The following TIMM17A variants were observed in gnomAD, a reference collection of about 807,000 sequenced individuals.
TIMM17A encodes the protein translocase of inner mitochondrial membrane 17A.
In TIMM17A, 15 loss-of-function variants were observed where a neutral mutation model predicts 26.5. The observed-to-expected ratio is 0.57, with a 90% CI of 0.38 to 0.87. The LOEUF (loss-of-function observed/expected upper bound fraction) is 0.87. TIMM17A is among the 40% of genes least tolerant of loss of function. The probability of loss-of-function intolerance (pLI) is 0.00; values close to 1 mark genes in which losing one functional copy is unlikely to be tolerated. For synonymous variants in TIMM17A, 80 were observed against 70.8 expected, an observed-to-expected ratio of 1.13 and a Z score of -0.66; for missense variants, 201 against 210.0, an observed-to-expected ratio of 0.96 and a Z score of 0.27.
At chr1:201,965,063 T>A (rs1682605173) in intron 4 of TIMM17A, among the ~76,000 whole-genome samples, 3 of 152,086 alleles carry the variant, frequency 2.0e-5, no homozygotes, top group African/African-American at 7.2e-5. Flanking sequence ...GCAATTCTCC[T>A]GCCTCAGCCT....
At position 201,969,653 on chromosome 1, in the gene TIMM17A, A is replaced by G; in HGVS notation, c.*99A>G. On this transcript the variant is annotated 3_prime_UTR_variant, in exon 6 of 6. Transcript: ENST00000367287. ...CTGTTTTTAAAACCATAGGTGGGACAGCTATGGCCAATAGGCTATAAAGAG... is the reference window on the plus strand; with the variant it reads ...CTGTTTTTAAAACCATAGGTGGGACGGCTATGGCCAATAGGCTATAAAGAG... 9.0e-6 allele frequency: 9 copies of G among 994,756 alleles called. No individual in the cohort carries two copies. The South Asian group carries it at 1.2e-4, about 14-fold the overall frequency. 61.6% of individuals were successfully genotyped at this position (994,756 alleles called of 1,614,324 possible). A position where few individuals can be genotyped will look rare whatever the true frequency, so the allele number is the denominator to read the frequency against.
chr1:201,960,006 A>G (rs1682494680), intron 3 of TIMM17A, among the ~76,000 whole-genome samples: 1 of 151,822 alleles, frequency 6.6e-6, no homozygotes, highest in African/African-American at 2.4e-5. Flanking sequence ...CTCAAAATAA[A>G]TAAATAAATA....
At chr1:201,964,916 G>A (rs1429760803) in intron 4 of TIMM17A, among the ~76,000 whole-genome samples, 1 of 150,840 alleles carries the variant, frequency 6.6e-6, no homozygotes, top group Non-Finnish European at 1.5e-5. Flanking sequence ...CCAAAGTGTT[G>A]GGATTACGGG....
intron 4 of TIMM17A, 43 bp from the exon 5 acceptor site, chr1:201,965,390 A>G (rs199723605): frequency 7.3e-7 from 1 of 1,364,698 alleles, no homozygotes; most frequent in African/African-American, 1.4e-5. Flanking sequence ...ACAGTAAACT[A>G]GATTTCTGTA....
intron 5 of TIMM17A, among the ~76,000 whole-genome samples, chr1:201,966,991 T>TTTTTTGTGTGTGTG (rs572223784): frequency 7.5e-6 from 1 of 133,100 alleles, no homozygotes; most frequent in South Asian, 2.4e-4. Context: ...ATTATATATG[T>TTTTTTGTGTGTGTG]TGTGTGTGTG....
intron 4 of TIMM17A, among the ~76,000 whole-genome samples, chr1:201,965,185 C>T (rs1682607185): frequency 6.6e-6 from 1 of 152,030 alleles, no homozygotes; most frequent in Non-Finnish European, 1.5e-5. Context: ...CTCCTGACCT[C>T]ATGATCTGCC....
At chr1:201,966,767 G>A (rs1340306218) in intron 5 of TIMM17A, among the ~76,000 whole-genome samples, 1 of 150,342 alleles carries the variant, frequency 6.7e-6, no homozygotes, top group Admixed American at 6.7e-5. Context: ...ACTTGAACCT[G>A]GGAGGCAGAG....
Position 201,966,962 on chromosome 1 carries a change from T to C in TIMM17A, c.430+1419T>C, listed in dbSNP as rs564006847. 3.1e-4 allele frequency among the ~76,000 whole-genome samples: 44 copies of C among 142,298 alleles called. 1 individual carries two copies. In the South Asian group the frequency reaches 8.5e-3, roughly 27 times the overall value. The allele number at this position is 142,298 out of a possible 152,430, so 93.4% of individuals were successfully genotyped here. Reference sequence around the variant, plus strand: ...TATATGTTATGTATTATATATGTTATATATTATATATGTTGTATATTATAT... The same window carrying C: ...TATATGTTATGTATTATATATGTTACATATTATATATGTTGTATATTATAT... On this transcript the variant is annotated intron_variant, in intron 5 of 5. Transcript: ENST00000367287.
chr1:201,966,991 T>TTTTGTGTGTG (rs572223784), intron 5 of TIMM17A, among the ~76,000 whole-genome samples: 13 of 133,098 alleles, frequency 9.8e-5, no homozygotes, highest in Admixed American at 4.0e-4. Flanking sequence ...ATTATATATG[T>TTTTGTGTGTG]TGTGTGTGTG....
At chr1:201,957,409 A>G in intron 2 of TIMM17A, 29 bp downstream of exon 2, 1 of 1,597,534 alleles carries the variant, frequency 6.3e-7, no homozygotes, top group Non-Finnish European at 8.6e-7. Flanking sequence ...TTATTTTATC[A>G]TCACTTGCAA....
intron 1 of TIMM17A, 29 bp downstream of exon 1, chr1:201,955,581 T>G: frequency 6.2e-7 from 1 of 1,614,232 alleles, no homozygotes; most frequent in South Asian, 1.1e-5. Context: ...TTTGCATTTC[T>G]CTTGCCCCCC....
At position 201,955,552 on chromosome 1, in the gene TIMM17A, G is replaced by A. The variant is rs1400749937; in HGVS notation, c.26G>A (p.Cys9Tyr). Residue 9 changes from cysteine to tyrosine, a missense_variant and splice_region_variant, in exon 1 of 6, where the codon TGC becomes TAC. Coordinates refer to ENST00000367287, the MANE Select transcript of TIMM17A (RefSeq NM_006335.3). ...ATGGAGGAGTACGCGCGAGAGCCTTGGTGAGCTTCACCGCTGTCTTTGCAT... is the reference window on the plus strand; with the variant it reads ...ATGGAGGAGTACGCGCGAGAGCCTTAGTGAGCTTCACCGCTGTCTTTGCAT... MEEYAREP[C>Y]PWRIVDDCGG... 1 of 1,614,258 alleles carries A rather than the reference G, an allele frequency of 6.2e-7. No homozygotes were observed. Among genetic ancestry groups the A allele is most frequent in the South Asian group, 1.1e-5 (1 of 91,092 alleles).
At chr1:201,961,903 G>C (rs1233020303) in intron 3 of TIMM17A, among the ~76,000 whole-genome samples, 1 of 151,660 alleles carries the variant, frequency 6.6e-6, no homozygotes, top group Non-Finnish European at 1.5e-5. Flanking sequence ...AGTATACTCT[G>C]ACACTCCATG....
intron 4 of TIMM17A, among the ~76,000 whole-genome samples, chr1:201,964,190 A>G (rs781058882): frequency 6.4e-4 from 97 of 152,326 alleles, no homozygotes; most frequent in South Asian, 2.1e-3. Flanking sequence ...TATTTGGAAT[A>G]TTTGAGAATG....
At chr1:201,962,792 T>G (rs1277741389) in intron 3 of TIMM17A, 3 of 152,238 alleles carry the variant, frequency 2.0e-5, no homozygotes, top group Admixed American at 1.3e-4. Context: ...TATCATTCAT[T>G]TGCCCCTTCA....
intron 5 of TIMM17A, among the ~76,000 whole-genome samples, chr1:201,968,094 G>A (rs1212746546): frequency 1.3e-5 from 2 of 152,192 alleles, no homozygotes; most frequent in East Asian, 1.9e-4. Context: ...CCTCCGGGGT[G>A]CAAGCGATTC....
chr1:201,969,337 G>A, intron 5 of TIMM17A, 132 bp from the exon 6 acceptor site: 1 of 701,164 alleles, frequency 1.4e-6, no homozygotes, highest in Non-Finnish European at 2.4e-6. Flanking sequence ...GATCTATAAA[G>A]AAATTTAGGG....
At position 201,970,183 on chromosome 1, in the gene TIMM17A, T is replaced by C. The variant is rs1682709006; in HGVS notation, c.*629T>C. ...GATATTGGATACAAAACTCTCTTCC[T>C]TTAGGGCTACTGAGTCTTGATTCCT... On this transcript the variant is annotated 3_prime_UTR_variant, in exon 6 of 6. Coordinates refer to ENST00000367287, the MANE Select transcript of TIMM17A (RefSeq NM_006335.3). The C allele has an allele frequency of 6.6e-6, 1 of 152,238 alleles. No homozygotes were observed. Among genetic ancestry groups the C allele is most frequent in the South Asian group, 2.1e-4 (1 of 4,828 alleles). The allele number at this position is 152,238 out of a possible 1,614,324, so 9.4% of individuals were successfully genotyped here.
intron 5 of TIMM17A, among the ~76,000 whole-genome samples, chr1:201,966,489 TA>T (rs1180864018): frequency 6.9e-6 from 1 of 144,878 alleles, no homozygotes; most frequent in Non-Finnish European, 1.5e-5. Context: ...CCCCATCTCT[TA>T]AAAAAAAATT....
Sources: allele counts gnomAD v4.1 joint callset (sites outside exome capture counted in the v4.1 genomes callset), GRCh38; gene constraint gnomAD v4.1.1; transcripts MANE v1.5; gene names NCBI Gene and HGNC (gene_info 2026-07-23, HGNC 2026-07-21).